GPR158: variants seen among roughly 807,000 people sequenced by gnomAD.
GPR158 encodes G protein-coupled receptor 158.
In GPR158, 30 loss-of-function variants were observed where a neutral mutation model predicts 78.2. The ratio of observed to expected loss-of-function variants is 0.38; its 90% CI spans 0.29 to 0.52. The LOEUF (loss-of-function observed/expected upper bound fraction) is 0.52, where lower values mean the gene tolerates loss of function less well. Ranked by LOEUF, GPR158 falls within the 20% of genes least tolerant of loss-of-function variation. The pLI is 0.83. For missense variants in GPR158, 1,463 were observed against 1,523.5 expected (o/e 0.96, Z 0.66); for synonymous variants, 581 against 591.1 (o/e 0.98, Z 0.25).
chr10:25,515,602 G>C (rs1240082758), intron 5 of GPR158, among the ~76,000 whole-genome samples: 2 of 121,568 alleles, frequency 1.6e-5, no homozygotes, highest in Non-Finnish European at 3.6e-5. Flanking sequence ...TCCCACCTAT[G>C]AGTGAGAATA....
intron 5 of GPR158, among the ~76,000 whole-genome samples, chr10:25,538,211 T>C (rs1836525527): frequency 7.3e-6 from 1 of 137,426 alleles, no homozygotes; most frequent in Non-Finnish European, 1.7e-5. Flanking sequence ...GCTTCAGATT[T>C]GCCGTTGTTG....
intron 6 of GPR158, among the ~76,000 whole-genome samples, chr10:25,563,948 G>A (rs185233288): frequency 7.3e-5 from 11 of 151,398 alleles, no homozygotes; most frequent in Admixed American, 3.3e-4. Flanking sequence ...GTTTCTTTGC[G>A]TGCCTCATTT....
chr10:25,252,885 G>A (rs1212823257), intron 2 of GPR158, among the ~76,000 whole-genome samples: 12 of 152,218 alleles, frequency 7.9e-5, no homozygotes, highest in African/African-American at 1.4e-4. Context: ...AAGCAAGCCT[G>A]GGCAATGGCG....
At chr10:25,268,977 CA>C (rs1334700542) in intron 2 of GPR158, among the ~76,000 whole-genome samples, 2 of 152,108 alleles carry the variant, frequency 1.3e-5, no homozygotes, top group African/African-American at 4.8e-5. Flanking sequence ...CCTCTTTAAG[CA>C]ATTACTTGTG....
chr10:25,548,687 C>T (rs2130710345), intron 5 of GPR158, among the ~76,000 whole-genome samples: 1 of 152,304 alleles, frequency 6.6e-6, no homozygotes, highest in Middle Eastern at 3.4e-3. Flanking sequence ...TGTACTCTCT[C>T]CTACCACCAG....
chr10:25,251,809 G>A (rs1473674241), intron 2 of GPR158, among the ~76,000 whole-genome samples: 4 of 149,266 alleles, frequency 2.7e-5, no homozygotes, highest in African/African-American at 9.8e-5. Context: ...TGCTCTTCTC[G>A]AGGAGTATCT....
At chr10:25,319,449 G>A (rs1450631333) in intron 2 of GPR158, among the ~76,000 whole-genome samples, 1 of 152,098 alleles carries the variant, frequency 6.6e-6, no homozygotes, top group Non-Finnish European at 1.5e-5. Context: ...CATAGGATTT[G>A]TTGAACAGGG....
intron 7 of GPR158, among the ~76,000 whole-genome samples, chr10:25,578,959 A>G (rs1358265439): frequency 2.0e-5 from 3 of 152,154 alleles, no homozygotes; most frequent in Non-Finnish European, 1.5e-5. Context: ...CAGTGAGCCA[A>G]GATCACGCCA....
intron 4 of GPR158, among the ~76,000 whole-genome samples, chr10:25,434,940 T>C (rs1286299459): frequency 1.3e-5 from 1 of 74,282 alleles, no homozygotes. Flanking sequence ...AAGATATATA[T>C]GCATTAGATG....
rs138212201 is a variant in GPR158 at position 25,546,537 on chromosome 10, A to G, written c.1405-4439A>G. Among the ~76,000 whole-genome samples, 197 of 152,332 alleles carry G rather than the reference A, an allele frequency of 1.3e-3. 1 individual carries two copies. Among genetic ancestry groups the G allele is most frequent in the Middle Eastern group, 0.01 (3 of 294 alleles). On this transcript the variant is annotated intron_variant, in intron 5 of 10. Coordinates refer to ENST00000376351, the MANE Select transcript of GPR158 (RefSeq NM_020752.3). ...CTTCATTTGGCATCTTCTTTCCTGT[A>G]TCTCCATGAATGAATGAATTCTCCC...
At chr10:25,492,059 C>A (rs1416341519) in intron 5 of GPR158, among the ~76,000 whole-genome samples, 2 of 152,126 alleles carry the variant, frequency 1.3e-5, no homozygotes, top group Admixed American at 1.3e-4. Context: ...GTGGAGGTTT[C>A]AGGCTGCTTC....
At chr10:25,557,027 T>A (rs7917704) in intron 6 of GPR158, among the ~76,000 whole-genome samples, 39,008 of 152,174 alleles carry the variant, frequency 0.26, 9,848 homozygotes, top group African/African-American at 0.63. Context: ...TAAATTGTAC[T>A]TAACAGGAAA....
chr10:25,407,973 A>C (rs1834536506), intron 3 of GPR158, among the ~76,000 whole-genome samples: 1 of 152,226 alleles, frequency 6.6e-6, no homozygotes, highest in Non-Finnish European at 1.5e-5. Flanking sequence ...TGAGCAGTTA[A>C]CATACTGCAA....
At chr10:25,328,883 C>T (rs1016569398) in intron 2 of GPR158, among the ~76,000 whole-genome samples, 18 of 138,380 alleles carry the variant, frequency 1.3e-4, no homozygotes, top group South Asian at 6.6e-4. Context: ...GATGAGATTG[C>T]GCCATTGTGC....
chr10:25,221,095 G>T lies in GPR158; in HGVS notation c.946G>T (p.Asp316Tyr). 1.2e-6 allele frequency: 2 copies of T among 1,603,470 alleles called. No homozygotes were observed. The highest frequency in any genetic ancestry group is 2.2e-5 in the South Asian group (2 of 90,494). Residue 316 changes from aspartate to tyrosine, a missense_variant, in exon 2 of 11, where the codon GAC becomes TAC. Coordinates refer to ENST00000376351, the MANE Select transcript of GPR158 (RefSeq NM_020752.3). ...VDINLQKVDI[D>Y]QCSSDGWFSG... ...CATAAATCTTCAGAAAGTGGACATT[G>T]ACCAATGCTCAAGTGATGGCTGGTT...
intron 4 of GPR158, among the ~76,000 whole-genome samples, chr10:25,453,124 C>T (rs1234929709): frequency 1.3e-5 from 2 of 152,062 alleles, no homozygotes; most frequent in Non-Finnish European, 2.9e-5. Flanking sequence ...TCCATGTATC[C>T]GTGGATAGAC....
chr10:25,448,349 C>T lies in GPR158; in HGVS notation c.1336-18302C>T, dbSNP rs149101922. 4.6e-3 allele frequency among the ~76,000 whole-genome samples: 694 copies of T among 152,204 alleles called. 3 individuals are homozygous for T. The highest frequency in any genetic ancestry group is 6.5e-3 in the Non-Finnish European group (444 of 67,994). ...TCATGATCTGCCCACCTTGGCCTCCCAAAGTGCTGGGATTACAGGCGTGAG... is the reference window on the plus strand; with the variant it reads ...TCATGATCTGCCCACCTTGGCCTCCTAAAGTGCTGGGATTACAGGCGTGAG... On this transcript the variant is annotated intron_variant, in intron 4 of 10. Coordinates refer to ENST00000376351, the MANE Select transcript of GPR158 (RefSeq NM_020752.3).
chr10:25,313,412 A>T (rs1484136971), intron 2 of GPR158, among the ~76,000 whole-genome samples: 5 of 152,216 alleles, frequency 3.3e-5, no homozygotes, highest in African/African-American at 1.2e-4. Context: ...AAAATTGTTT[A>T]AAAAAAGAAA....
chr10:25,208,555 A>C (rs1454218122), intron 1 of GPR158, among the ~76,000 whole-genome samples: 10 of 101,450 alleles, frequency 9.9e-5, no homozygotes, highest in Non-Finnish European at 1.6e-4. Flanking sequence ...GTCCTATGTG[A>C]ATTTGTGTGT....
Sources: gnomAD v4.1 joint callset for allele counts (sites outside exome capture counted in the v4.1 genomes callset) on GRCh38, gnomAD v4.1.1 for gene constraint, MANE v1.5 for transcripts, NCBI Gene and HGNC (gene_info 2026-07-23, HGNC 2026-07-21) for gene names.